The following FGD6 variants were observed in gnomAD, a reference collection of about 807,000 sequenced individuals.
FGD6 encodes FYVE, RhoGEF and PH domain containing 6, also known as FYVE, RhoGEF and PH domain-containing protein 6.
In FGD6, 90 loss-of-function variants were observed where a neutral mutation model predicts 149.4. The observed-to-expected ratio is 0.60, with a 90% confidence interval of 0.51 to 0.72. The LOEUF (loss-of-function observed/expected upper bound fraction) is 0.72. Among genes scored for constraint, FGD6 ranks in the 30% least tolerant of loss-of-function variants. FGD6 has a pLI of 0.00. For synonymous variants in FGD6, 527 were observed against 584.0 expected, an observed-to-expected ratio of 0.90 and a Z score of 1.41; for missense variants, 1,437 against 1,684.8, an observed-to-expected ratio of 0.85 and a Z score of 2.57.
chr12:95,156,387 C>G (rs1415116404), intron 3 of FGD6, among the ~76,000 whole-genome samples: 1 of 151,780 alleles, frequency 6.6e-6, no homozygotes, highest in Non-Finnish European at 1.5e-5. Flanking sequence ...TATGGTCAAG[C>G]TGTAGGGATG....
At chr12:95,107,935 A>G (rs1396005068) in intron 11 of FGD6, among the ~76,000 whole-genome samples, 1 of 152,076 alleles carries the variant, frequency 6.6e-6, no homozygotes, top group African/African-American at 2.4e-5. Context: ...GCATTTTGTA[A>G]TTTTCCCGAA....
At chr12:95,192,256 T>C (rs1400277470) in intron 2 of FGD6, among the ~76,000 whole-genome samples, 2 of 152,154 alleles carry the variant, frequency 1.3e-5, no homozygotes, top group Non-Finnish European at 2.9e-5. Context: ...AGAATGTACA[T>C]GTATTTTTTA....
chr12:95,134,403 G>C (rs1267705696), intron 8 of FGD6, among the ~76,000 whole-genome samples: 2 of 152,102 alleles, frequency 1.3e-5, no homozygotes, highest in East Asian at 3.9e-4. Context: ...GAGTAGTTGG[G>C]GAACGTACCT....
At chr12:95,204,443 A>G (rs997447389) in intron 2 of FGD6, among the ~76,000 whole-genome samples, 1 of 152,050 alleles carries the variant, frequency 6.6e-6, no homozygotes, top group Non-Finnish European at 1.5e-5. Flanking sequence ...TGGAATAAGA[A>G]GAAAAGGAGG....
intron 2 of FGD6, among the ~76,000 whole-genome samples, chr12:95,173,998 C>A (rs1284490162): frequency 6.6e-6 from 1 of 152,170 alleles, no homozygotes; most frequent in Admixed American, 6.5e-5. Flanking sequence ...GCTGGAGGCA[C>A]AGTGCCAAAA....
intron 2 of FGD6, among the ~76,000 whole-genome samples, chr12:95,176,557 C>T (rs1056739550): frequency 5.3e-5 from 8 of 152,214 alleles, no homozygotes; most frequent in African/African-American, 1.9e-4. Flanking sequence ...TTCCAGTGCA[C>T]TGGAATTAAG....
At chr12:95,154,401 T>C (rs1880410716) in intron 3 of FGD6, among the ~76,000 whole-genome samples, 1 of 152,168 alleles carries the variant, frequency 6.6e-6, no homozygotes, top group Non-Finnish European at 1.5e-5. Flanking sequence ...GTTGTTGTTG[T>C]TTTCAATAAA....
chr12:95,116,057 G>A (rs929318485), intron 8 of FGD6, among the ~76,000 whole-genome samples: 1 of 95,998 alleles, frequency 1.0e-5, no homozygotes, highest in Admixed American at 1.1e-4. Flanking sequence ...GAAAAATGAA[G>A]TGGGCACACA....
intron 2 of FGD6, among the ~76,000 whole-genome samples, chr12:95,208,131 G>A (rs2056702156): frequency 6.6e-6 from 1 of 151,984 alleles, no homozygotes; most frequent in Non-Finnish European, 1.5e-5. Context: ...TGCACCTATA[G>A]TCCCAGCTAC....
At chr12:95,082,210 C>T (rs1877697445) in intron 20 of FGD6, among the ~76,000 whole-genome samples, 1 of 152,186 alleles carries the variant, frequency 6.6e-6, no homozygotes, top group Admixed American at 6.5e-5. Flanking sequence ...GGAATTTGGA[C>T]TCAGTGCTTT....
chr12:95,124,243 T>C (rs960215991), intron 8 of FGD6, among the ~76,000 whole-genome samples: 1 of 152,164 alleles, frequency 6.6e-6, no homozygotes, highest in East Asian at 1.9e-4. Context: ...ATACATTTTC[T>C]AGTAGCTGCC....
intron 8 of FGD6, among the ~76,000 whole-genome samples, chr12:95,122,743 G>A (rs1879230089): frequency 6.6e-6 from 1 of 151,252 alleles, no homozygotes; most frequent in African/African-American, 2.4e-5. Context: ...TCTGTATGTG[G>A]CCTAGAACCA....
chr12:95,086,689 G>A (rs1230483337), intron 18 of FGD6, among the ~76,000 whole-genome samples: 1 of 142,814 alleles, frequency 7.0e-6, no homozygotes, highest in Non-Finnish European at 1.5e-5. Context: ...ACAGGCGCCT[G>A]CCACCACGTC....
At chr12:95,104,945 T>C in intron 14 of FGD6, 62 bp downstream of exon 14, 2 of 1,458,694 alleles carry the variant, frequency 1.4e-6, no homozygotes, top group Non-Finnish European at 1.8e-6. Flanking sequence ...TTTCCTGACA[T>C]TCCCTAGCAA....
At chr12:95,187,926 A>C (rs1200174252) in intron 2 of FGD6, among the ~76,000 whole-genome samples, 5 of 152,184 alleles carry the variant, frequency 3.3e-5, no homozygotes. Context: ...CTTATTTCTA[A>C]AACAATTTTA....
chr12:95,148,505 TAGCA>T (rs1270510279), intron 5 of FGD6, among the ~76,000 whole-genome samples: 1 of 118,456 alleles, frequency 8.4e-6, no homozygotes, highest in Non-Finnish European at 1.7e-5. Flanking sequence ...ATATAATATA[TAGCA>T]TATATTATAT....
At chr12:95,201,718 A>T (rs2136299358) in intron 2 of FGD6, among the ~76,000 whole-genome samples, 1 of 152,328 alleles carries the variant, frequency 6.6e-6, no homozygotes, top group East Asian at 1.9e-4. Flanking sequence ...GACCTAGGTC[A>T]GAAATTCACT....
In FGD6 at chr12:95,211,131, T is replaced by G; in HGVS notation, c.153A>C (p.Ala51=). The change falls in exon 2 of 21, where the codon GCA becomes GCC. Residue 51 remains alanine (A), a synonymous_variant. Transcript: ENST00000343958. ...TCAGGACTTTTGGTTTTGGGGCTATTGCTGGTTTCATTTTCTTTGTCGACT... is the reference window on the plus strand; with the variant it reads ...TCAGGACTTTTGGTTTTGGGGCTATGGCTGGTTTCATTTTCTTTGTCGACT... The part of the protein sequence containing the change: ...VPQSTKKMKP[A]IAPKPKVLKT... 1 of 1,614,244 alleles carries G rather than the reference T, an allele frequency of 6.2e-7. No homozygotes were observed. Among genetic ancestry groups the G allele is most frequent in the Non-Finnish European group, 8.5e-7 (1 of 1,180,044 alleles).
At position 95,077,263 on chromosome 12, in the gene FGD6, A is replaced by C. The variant is rs940517743; in HGVS notation, c.*4257T>G. On this transcript the variant is annotated 3_prime_UTR_variant, in exon 21 of 21. Transcript: ENST00000343958. Reference sequence around the variant, plus strand: ...TGCAAGGTACCCTGCCAGAAATCTCAAATGAGTAAGTTGTCCTTAGGGATA... The same window carrying C: ...TGCAAGGTACCCTGCCAGAAATCTCCAATGAGTAAGTTGTCCTTAGGGATA... The C allele has an allele frequency of 2.0e-5, 3 of 152,224 alleles. No individual in the cohort carries two copies. Among genetic ancestry groups the C allele is most frequent in the African/African-American group, 7.2e-5 (3 of 41,466 alleles). 9.4% of individuals were successfully genotyped at this position (152,224 alleles called of 1,614,324 possible).
Sources: allele counts gnomAD v4.1 joint callset (sites outside exome capture counted in the v4.1 genomes callset), GRCh38; gene constraint gnomAD v4.1.1; transcripts MANE v1.5; gene names NCBI Gene and HGNC (gene_info 2026-07-23, HGNC 2026-07-21).